Variants in NLGN1 observed in about 807,000 individuals in gnomAD.
The protein encoded by NLGN1 is neuroligin-1.
A neutral mutation model predicts 65.5 loss-of-function variants in NLGN1; 12 were observed. That is an observed-to-expected ratio of 0.18 (90% CI 0.12 to 0.30). NLGN1 has a LOEUF of 0.30. Ranked by LOEUF, NLGN1 falls within the 10% of genes least tolerant of loss-of-function variation. NLGN1 has a pLI of 1.00. For missense variants in NLGN1, 750 were observed against 1,007.1 expected, an observed-to-expected ratio of 0.74 and a Z score of 3.46; for synonymous variants, 350 against 359.5, an observed-to-expected ratio of 0.97 and a Z score of 0.30.
chr3:173,775,097 T>C (rs557277413), intron 3 of NLGN1, among the ~76,000 whole-genome samples: 2 of 152,300 alleles, frequency 1.3e-5, no homozygotes, highest in South Asian at 4.1e-4. Context: ...TTCTAGTTTC[T>C]TTCTCATCAA....
intron 3 of NLGN1, among the ~76,000 whole-genome samples, chr3:173,609,245 C>T (rs1378419336): frequency 6.6e-6 from 1 of 151,996 alleles, no homozygotes; most frequent in Non-Finnish European, 1.5e-5. Flanking sequence ...AAGATGGATA[C>T]AGAACTAATT....
At chr3:173,491,858 T>C (rs1468658953) in intron 2 of NLGN1, among the ~76,000 whole-genome samples, 1 of 151,780 alleles carries the variant, frequency 6.6e-6, no homozygotes, top group Non-Finnish European at 1.5e-5. Context: ...TTAGGAGTCA[T>C]CCTAAGTTGC....
At chr3:174,229,899 T>C (rs1359395517) in intron 4 of NLGN1, among the ~76,000 whole-genome samples, 1 of 152,238 alleles carries the variant, frequency 6.6e-6, no homozygotes, top group Non-Finnish European at 1.5e-5. Flanking sequence ...TAGAATACAC[T>C]TGAGCCTCCA....
intron 4 of NLGN1, among the ~76,000 whole-genome samples, chr3:173,939,130 A>G (rs1473310166): frequency 6.6e-6 from 1 of 152,188 alleles, no homozygotes; most frequent in Non-Finnish European, 1.5e-5. Context: ...TTACTCCAAA[A>G]ATCAATTAAT....
chr3:173,531,637 A>T (rs984576889), intron 2 of NLGN1, among the ~76,000 whole-genome samples: 1 of 151,606 alleles, frequency 6.6e-6, no homozygotes, highest in African/African-American at 2.4e-5. Flanking sequence ...CATATTCTTT[A>T]TTCCAGCTAA....
chr3:173,630,542 A>G (rs1488946889), intron 3 of NLGN1, among the ~76,000 whole-genome samples: 1 of 151,976 alleles, frequency 6.6e-6, no homozygotes, highest in Non-Finnish European at 1.5e-5. Context: ...TTCTAGGTAC[A>G]TCTTACTGAC....
intron 4 of NLGN1, among the ~76,000 whole-genome samples, chr3:173,981,901 TC>T (rs1718868366): frequency 1.3e-5 from 2 of 152,134 alleles, no homozygotes; most frequent in African/African-American, 4.8e-5. Flanking sequence ...GCAATCAACT[TC>T]CAAGCTGCTT....
intron 4 of NLGN1, among the ~76,000 whole-genome samples, chr3:174,124,024 C>T (rs190585815): frequency 1.3e-5 from 2 of 151,968 alleles, no homozygotes; most frequent in East Asian, 3.9e-4. Flanking sequence ...TAAATGGGGT[C>T]ATAAGGGCGG....
At position 173,997,942 on chromosome 3, in the gene NLGN1, A is replaced by G. The variant is rs543885562; in HGVS notation, c.646+190110A>G. On this transcript the variant is annotated intron_variant, in intron 4 of 6. Transcript: ENST00000457714. ...GTTTGTTTAATATTATTCGCATTCA[A>G]CAAGCATTTGAGCAAGATCTTGCCC... Among the ~76,000 whole-genome samples, 111 of 152,176 alleles carry G rather than the reference A, an allele frequency of 7.3e-4. No homozygotes were observed. The South Asian group carries it at 0.022, about 30-fold the overall frequency.
chr3:173,815,085 TTTCC>T (rs974872622), intron 4 of NLGN1, among the ~76,000 whole-genome samples: 169 of 151,048 alleles, frequency 1.1e-3, no homozygotes, highest in Middle Eastern at 3.4e-3. Context: ...TCGTTCCTTC[TTTCC>T]TTCCTTCCTT....
At chr3:174,030,425 G>T (rs1178864243) in intron 4 of NLGN1, among the ~76,000 whole-genome samples, 1 of 152,088 alleles carries the variant, frequency 6.6e-6, no homozygotes, top group Non-Finnish European at 1.5e-5. Flanking sequence ...CGCCCAGCCA[G>T]CTATTCTTAA....
intron 4 of NLGN1, among the ~76,000 whole-genome samples, chr3:173,937,369 A>G (rs1406175251): frequency 1.3e-5 from 2 of 152,118 alleles, no homozygotes; most frequent in African/African-American, 4.8e-5. Flanking sequence ...AACAAAGATT[A>G]TAGCTCAGAG....
In NLGN1 at chr3:173,649,153, A is replaced by C. The variant is rs138703793; in HGVS notation, c.493+44062A>C. Among the ~76,000 whole-genome samples the C allele has an allele frequency of 5.1e-3, 774 of 152,316 alleles. 5 individuals are homozygous for C. Among genetic ancestry groups the C allele is most frequent in the South Asian group, 0.014 (67 of 4,822 alleles). Reference sequence around the variant, plus strand: ...GATTCTCTCCTTGGCAAGAGTATATACTGGATAATTCCATTAGTATAAAAC... The same window carrying C: ...GATTCTCTCCTTGGCAAGAGTATATCCTGGATAATTCCATTAGTATAAAAC... On this transcript the variant is annotated intron_variant, in intron 3 of 6. Coordinates refer to ENST00000457714, the Ensembl canonical transcript of NLGN1.
rs1470984499 is a variant in NLGN1, at chr3:173,917,438, A to G, written c.646+109606A>G. On this transcript the variant is annotated intron_variant, in intron 4 of 6. Coordinates refer to ENST00000457714, the Ensembl canonical transcript of NLGN1. ...TAGTGATTGGCATAACACCAGGAAC[A>G]TAATCAATATTCATTACATATGAGT... Among the ~76,000 whole-genome samples the G allele has an allele frequency of 2.6e-5, 4 of 152,356 alleles. No individual in the cohort carries two copies. In the East Asian group the frequency reaches 5.8e-4, roughly 22 times the overall value.
intron 4 of NLGN1, among the ~76,000 whole-genome samples, chr3:173,828,805 A>G (rs1246706167): frequency 1.7e-4 from 26 of 152,098 alleles, no homozygotes; most frequent in Admixed American, 1.4e-3. Context: ...AAGAAATTAA[A>G]CAGAGATAGG....
intron 4 of NLGN1, among the ~76,000 whole-genome samples, chr3:173,994,616 G>A (rs983903481): frequency 1.3e-5 from 2 of 151,944 alleles, no homozygotes; most frequent in Non-Finnish European, 2.9e-5. Flanking sequence ...CTCTCTTACT[G>A]TGAAACATTT....
chr3:173,719,822 G>A (rs557313769), intron 3 of NLGN1, among the ~76,000 whole-genome samples: 2 of 152,246 alleles, frequency 1.3e-5, no homozygotes, highest in South Asian at 4.1e-4. Context: ...GCCTAAAAGT[G>A]CTGATTTCTG....
At chr3:174,167,976 CT>C (rs1727843790) in intron 4 of NLGN1, among the ~76,000 whole-genome samples, 1 of 151,708 alleles carries the variant, frequency 6.6e-6, no homozygotes, top group African/African-American at 2.4e-5. Flanking sequence ...ATTATTTTTT[CT>C]GTTTTTTTTC....
chr3:173,470,073 A>G (rs1725066565), intron 2 of NLGN1, among the ~76,000 whole-genome samples: 2 of 152,046 alleles, frequency 1.3e-5, no homozygotes, highest in African/African-American at 4.8e-5. Flanking sequence ...CTCAGATTCA[A>G]CTTTAGAATT....
Sources: gnomAD v4.1 joint callset for allele counts (sites outside exome capture counted in the v4.1 genomes callset) on GRCh38, gnomAD v4.1.1 for gene constraint, MANE v1.5 for transcripts, NCBI Gene and HGNC (gene_info 2026-07-23, HGNC 2026-07-21) for gene names.